Variants in EEIG1 observed in about 807,000 individuals in gnomAD.
The protein encoded by EEIG1 is early estrogen-induced gene 1 protein.
chr9:127,955,779 C>T, the EEIG1 span, among the ~76,000 whole-genome samples: 1 of 152,234 alleles, frequency 6.6e-6, no homozygotes, highest in Admixed American at 6.5e-5. Context: ...TGAGGAGCCC[C>T]CTCCAGGCTC....
the EEIG1 span, chr9:127,945,555 G>C: frequency 6.4e-7 from 1 of 1,564,296 alleles, no homozygotes; most frequent in Non-Finnish European, 8.7e-7. This position sits in a 1 kb window ranked among gnomAD's most constrained non-coding sequence, Gnocchi z 6.5. Context: ...AGTGCTCTGT[G>C]CTGTAGCCTG....
chr9:127,944,493 G>GC, the EEIG1 span: 3 of 715,094 alleles, frequency 4.2e-6, no homozygotes, highest in South Asian at 4.9e-5. Flanking sequence ...GACATGACAG[G>GC]CCCAGGGTCA....
At chr9:127,960,115 T>C in the EEIG1 span, among the ~76,000 whole-genome samples, 4 of 152,172 alleles carry the variant, frequency 2.6e-5, no homozygotes, top group East Asian at 5.8e-4. Flanking sequence ...CAGGTAGCGA[T>C]GAGGTGTGGC....
At chr9:127,950,443 G>A in the EEIG1 span, 2 of 1,613,948 alleles carry the variant, frequency 1.2e-6, no homozygotes, top group Admixed American at 3.3e-5. Context: ...GAGTTGTCCT[G>A]GCGAGTGTTC....
chr9:127,967,090 C>T, the EEIG1 span, among the ~76,000 whole-genome samples: 3 of 152,190 alleles, frequency 2.0e-5, no homozygotes, highest in Non-Finnish European at 4.4e-5. Context: ...CAGGTTTATG[C>T]CAAGGGAGGG....
the EEIG1 span, among the ~76,000 whole-genome samples, chr9:127,958,863 G>C: frequency 6.6e-6 from 1 of 152,082 alleles, no homozygotes; most frequent in Non-Finnish European, 1.5e-5. Context: ...AATGGGCAAA[G>C]GATCCAAATA....
the EEIG1 span, among the ~76,000 whole-genome samples, chr9:127,955,698 A>G: frequency 0.77 from 116,551 of 152,242 alleles, 46,064 homozygotes; most frequent in Non-Finnish European, 0.87. Context: ...ACAGTTCCAA[A>G]GAGAGGAAAC....
the EEIG1 span, among the ~76,000 whole-genome samples, chr9:127,970,114 A>G: frequency 4.6e-5 from 7 of 151,920 alleles, no homozygotes; most frequent in Admixed American, 4.6e-4. Flanking sequence ...AAATGGCATC[A>G]TACACTTTTT....
the EEIG1 span, among the ~76,000 whole-genome samples, chr9:127,955,417 C>T: frequency 1.3e-5 from 2 of 152,284 alleles, no homozygotes; most frequent in Non-Finnish European, 2.9e-5. Flanking sequence ...ACTTCAGAGT[C>T]AGGGCTCTCA....
the EEIG1 span, among the ~76,000 whole-genome samples, chr9:127,969,473 G>A: frequency 5.3e-5 from 8 of 152,236 alleles, no homozygotes; most frequent in South Asian, 2.1e-4. Flanking sequence ...TACTGAGCCC[G>A]TACTCCATGC....
chr9:127,957,454 G>C, the EEIG1 span, among the ~76,000 whole-genome samples: 2 of 152,142 alleles, frequency 1.3e-5, no homozygotes, highest in Non-Finnish European at 2.9e-5. Context: ...ATTGCTGAAA[G>C]ACATTAAATA....
the EEIG1 span, among the ~76,000 whole-genome samples, chr9:127,955,720 G>C: frequency 6.6e-6 from 1 of 152,242 alleles, no homozygotes; most frequent in East Asian, 1.9e-4. Context: ...GCATGAATGA[G>C]GGAGTCCCGT....
At chr9:127,944,672 C>T in the EEIG1 span, 7 of 1,612,778 alleles carry the variant, frequency 4.3e-6, no homozygotes, top group South Asian at 3.3e-5. Flanking sequence ...CACGAACAGC[C>T]GGAGGTTGCT....
At chr9:127,968,109 C>A in the EEIG1 span, among the ~76,000 whole-genome samples, 1 of 150,000 alleles carries the variant, frequency 6.7e-6, no homozygotes. Flanking sequence ...TTCCTTAGAT[C>A]TTAAACCTGG....
chr9:127,943,122 T>G, the EEIG1 span: 2 of 1,468,258 alleles, frequency 1.4e-6, no homozygotes, highest in Non-Finnish European at 1.9e-6. Flanking sequence ...AGGGGAAAGT[T>G]CCTCATGGAA....
chr9:127,947,733 C>T, the EEIG1 span, among the ~76,000 whole-genome samples: 6 of 152,154 alleles, frequency 3.9e-5, no homozygotes, highest in African/African-American at 1.4e-4. Context: ...TGGATCCCAC[C>T]TTCTGGGCCT....
the EEIG1 span, chr9:127,943,124 C>T: frequency 6.0e-6 from 9 of 1,493,980 alleles, no homozygotes; most frequent in Non-Finnish European, 7.5e-6. Flanking sequence ...GGGAAAGTTC[C>T]TCATGGAATG....
At chr9:127,967,378 G>A in the EEIG1 span, among the ~76,000 whole-genome samples, 6 of 152,252 alleles carry the variant, frequency 3.9e-5, no homozygotes, top group East Asian at 1.9e-4. Flanking sequence ...TTACCCCATC[G>A]CAGCCAAGGA....
At chr9:127,953,831 A>G in the EEIG1 span, 14 of 1,613,894 alleles carry the variant, frequency 8.7e-6, no homozygotes, top group Non-Finnish European at 9.3e-6. Flanking sequence ...CGGAAGACAC[A>G]GGGGTCCAGC....
Sources: gnomAD v4.1 joint callset for allele counts (sites outside exome capture counted in the v4.1 genomes callset) on GRCh38, gnomAD v4.1.1 for gene constraint, Gnocchi (gnomAD v3.1) non-coding constraint, MANE v1.5 for transcripts, NCBI Gene and HGNC (gene_info 2026-07-23, HGNC 2026-07-21) for gene names.